Variants in CCSER1 observed in about 807,000 individuals in gnomAD.
CCSER1 encodes coiled-coil serine rich protein 1.
CCSER1 carries 41 observed loss-of-function variants against 82.0 expected under a neutral mutation model. The ratio of observed to expected loss-of-function variants is 0.50; its 90% CI spans 0.39 to 0.65. The LOEUF is 0.65. CCSER1 is among the 30% of genes least tolerant of loss of function. The probability of loss-of-function intolerance (pLI) is 0.00; values close to 1 mark genes in which losing one functional copy is unlikely to be tolerated. For synonymous variants in CCSER1, 414 were observed against 383.9 expected (o/e 1.08, Z -0.92); for missense variants, 1,119 against 1,064.2 (o/e 1.05, Z -0.72).
At chr4:91,041,655 A>G (rs1741965384) in intron 9 of CCSER1, among the ~76,000 whole-genome samples, 1 of 152,080 alleles carries the variant, frequency 6.6e-6, no homozygotes, top group Admixed American at 6.6e-5. Flanking sequence ...AAGTAAAAGA[A>G]AAAAAAATGT....
intron 5 of CCSER1, among the ~76,000 whole-genome samples, chr4:90,508,095 TA>T (rs1770964541): frequency 6.6e-6 from 1 of 152,062 alleles, no homozygotes; most frequent in Non-Finnish European, 1.5e-5. Context: ...AGGTTAAATA[TA>T]TTTAATTGTT....
chr4:90,502,886 T>G (rs1274089168), intron 5 of CCSER1, among the ~76,000 whole-genome samples: 2 of 152,102 alleles, frequency 1.3e-5, no homozygotes, highest in African/African-American at 2.4e-5. Context: ...TTTTCTTTCC[T>G]CAAAGGTGTT....
At chr4:90,794,404 A>G (rs1755687438) in intron 7 of CCSER1, among the ~76,000 whole-genome samples, 1 of 152,152 alleles carries the variant, frequency 6.6e-6, no homozygotes, top group Admixed American at 6.5e-5. Context: ...TCCCAGCACC[A>G]TTTATTGAAT....
intron 10 of CCSER1, among the ~76,000 whole-genome samples, chr4:91,532,654 G>A (rs974808424): frequency 6.6e-6 from 1 of 152,070 alleles, no homozygotes; most frequent in Non-Finnish European, 1.5e-5. Flanking sequence ...CACTTTGGGA[G>A]GCAGAAGCAG....
chr4:90,693,265 A>AAAATTATTATTTCCATTAACAGATGTG (rs936010546), intron 6 of CCSER1: 1 of 151,962 alleles, frequency 6.6e-6, no homozygotes, highest in African/African-American at 2.4e-5. Flanking sequence ...CTAAAACTTT[A>AAAATTATTATTTCCATTAACAGATGTG]AAATTATTAT....
At chr4:91,415,305 TG>T in intron 10 of CCSER1, among the ~76,000 whole-genome samples, 2 of 152,272 alleles carry the variant, frequency 1.3e-5, no homozygotes. Flanking sequence ...AACAAGCTTT[TG>T]GGCTGAGTTG....
At chr4:91,463,900 G>A (rs1026787624) in intron 10 of CCSER1, among the ~76,000 whole-genome samples, 4 of 152,152 alleles carry the variant, frequency 2.6e-5, no homozygotes, top group South Asian at 2.1e-4. Flanking sequence ...AAAGTAACAG[G>A]GAGAATGGAA....
chr4:90,319,368 C>T (rs1736714239), intron 3 of CCSER1, among the ~76,000 whole-genome samples: 1 of 152,122 alleles, frequency 6.6e-6, no homozygotes. Context: ...AAAAACAAGA[C>T]AGCCTGGGTG....
intron 4 of CCSER1, among the ~76,000 whole-genome samples, chr4:90,458,077 G>A (rs1019461962): frequency 1.3e-5 from 2 of 152,162 alleles, no homozygotes; most frequent in Admixed American, 1.3e-4. Context: ...ACCAGAATCA[G>A]GGAAATTTCA....
intron 3 of CCSER1, chr4:90,370,289 A>G (rs1276482659): frequency 1.3e-5 from 2 of 152,178 alleles, no homozygotes; most frequent in South Asian, 2.1e-4. Flanking sequence ...ATAGAGGAGT[A>G]TGTTTTAAAA....
intron 9 of CCSER1, among the ~76,000 whole-genome samples, chr4:90,970,535 A>G (rs1419191456): frequency 2.0e-5 from 3 of 152,032 alleles, no homozygotes; most frequent in African/African-American, 7.3e-5. Flanking sequence ...AACATTGAAT[A>G]TATCATCTCT....
rs1194457692 is a variant in CCSER1, at chr4:90,442,210, C to CA, written c.1604-26017dup. ...GAGCTAAAATAAATTGGAAACTCAACAAAAAAATGAGACATCAGACTTAAT... is the reference window on the plus strand; with the variant it reads ...GAGCTAAAATAAATTGGAAACTCAACAAAAAAAATGAGACATCAGACTTAAT... On this transcript the variant is annotated intron_variant, in intron 4 of 10. Transcript: ENST00000509176. 6.6e-5 allele frequency among the ~76,000 whole-genome samples: 10 copies of CA among 151,962 alleles called. No homozygotes were observed. In the South Asian group the frequency reaches 2.1e-3, roughly 32 times the overall value.
At chr4:90,822,642 C>T (rs1353545600) in intron 8 of CCSER1, among the ~76,000 whole-genome samples, 5 of 146,874 alleles carry the variant, frequency 3.4e-5, no homozygotes, top group Admixed American at 2.1e-4. Flanking sequence ...ACAGGAGAAT[C>T]GTTTGAACCT....
chr4:90,964,937 G>A (rs867812248), intron 9 of CCSER1, among the ~76,000 whole-genome samples: 6 of 151,804 alleles, frequency 4.0e-5, no homozygotes, highest in African/African-American at 7.3e-5. Flanking sequence ...CTTGCTATCC[G>A]GTGACCTTGC....
At chr4:90,541,323 T>A (rs1258969805) in intron 5 of CCSER1, among the ~76,000 whole-genome samples, 1 of 152,058 alleles carries the variant, frequency 6.6e-6, no homozygotes, top group African/African-American at 2.4e-5. Flanking sequence ...CTCATTAAGA[T>A]TATAATAATA....
chr4:90,621,518 TG>T (rs1358408708), intron 5 of CCSER1, among the ~76,000 whole-genome samples: 17 of 152,200 alleles, frequency 1.1e-4, no homozygotes, highest in Middle Eastern at 3.4e-3. Context: ...ACTTGCCATT[TG>T]TTTTTTTGTT....
chr4:90,391,459 TATATATATATATATATATATATATATAC>T (rs1340637485), intron 3 of CCSER1, among the ~76,000 whole-genome samples: 19 of 85,366 alleles, frequency 2.2e-4, no homozygotes, highest in Middle Eastern at 4.6e-3. Flanking sequence ...TATATATATA[TATATATATATATATATATATATATATAC>T]ACACACACAG....
intron 7 of CCSER1, among the ~76,000 whole-genome samples, chr4:90,764,050 A>G (rs1275904870): frequency 6.6e-6 from 1 of 152,182 alleles, no homozygotes; most frequent in Non-Finnish European, 1.5e-5. Flanking sequence ...GGAAAAACAG[A>G]TATTTCAACA....
chr4:90,923,373 A>AAAGT lies in CCSER1; in HGVS notation c.2099_2102dup (p.Arg702SerfsTer14). 2.6e-6 allele frequency: 4 copies of AAAGT among 1,551,178 alleles called. No homozygotes were observed. The highest frequency in any genetic ancestry group is 3.5e-6 in the Non-Finnish European group (4 of 1,146,532). On this transcript the variant is annotated frameshift_variant, in exon 9 of 11. Transcript: ENST00000509176. LOFTEE classifies it high-confidence loss of function. ...TTGCTGTTTTTTCATTTTGCAGGGAAAAGTCCGGCATTTACAGAAGGCTTT... is the reference window on the plus strand; with the variant it reads ...TTGCTGTTTTTTCATTTTGCAGGGAAAAGTAAGTCCGGCATTTACAGAAGGCTTT...
Sources: gnomAD v4.1 joint callset for allele counts (sites outside exome capture counted in the v4.1 genomes callset) on GRCh38, gnomAD v4.1.1 for gene constraint, MANE v1.5 for transcripts, NCBI Gene and HGNC (gene_info 2026-07-23, HGNC 2026-07-21) for gene names.